The following GDAP2 variants were observed in gnomAD, a reference collection of about 807,000 sequenced individuals.
GDAP2 encodes ganglioside-induced differentiation-associated protein 2.
In GDAP2, 51 loss-of-function variants were observed where a neutral mutation model predicts 67.0. The ratio of observed to expected loss-of-function variants is 0.76; its 90% CI spans 0.61 to 0.96. The LOEUF (loss-of-function observed/expected upper bound fraction) is 0.96. GDAP2 is among the 40% of genes least tolerant of loss of function. The probability of loss-of-function intolerance (pLI) is 0.00; values close to 1 mark genes in which losing one functional copy is unlikely to be tolerated. For synonymous variants in GDAP2, 203 were observed against 207.3 expected (o/e 0.98, Z 0.18); for missense variants, 547 against 588.3 (o/e 0.93, Z 0.73).
intron 11 of GDAP2, among the ~76,000 whole-genome samples, 196 bp from the exon 12 acceptor site, chr1:117,882,073 C>A (rs2273577): frequency 6.6e-6 from 1 of 151,938 alleles, no homozygotes; most frequent in South Asian, 2.1e-4. Flanking sequence ...TAAAGTATCT[C>A]TTTTATAGGA....
chr1:117,902,345 G>C (rs1649507818), intron 6 of GDAP2, among the ~76,000 whole-genome samples: 1 of 152,088 alleles, frequency 6.6e-6, no homozygotes, highest in African/African-American at 2.4e-5. Context: ...GGCTTTTTGT[G>C]CTTTTGGTGC....
At chr1:117,923,704 C>T (rs1299706557) in intron 1 of GDAP2, among the ~76,000 whole-genome samples, 1 of 152,200 alleles carries the variant, frequency 6.6e-6, no homozygotes, top group Non-Finnish European at 1.5e-5. Context: ...TAGAACTGTG[C>T]AGGCACCCAG....
chr1:117,911,970 T>C (rs774794401), intron 5 of GDAP2, 24 bp downstream of exon 5: 2 of 1,314,434 alleles, frequency 1.5e-6, no homozygotes, highest in Non-Finnish European at 1.1e-6. Context: ...TCAATTCATG[T>C]ACAGCATCTC....
At chr1:117,897,023 T>A (rs1346385367) in intron 7 of GDAP2, 34 bp from the exon 8 acceptor site, 1 of 1,496,760 alleles carries the variant, frequency 6.7e-7, no homozygotes, top group Non-Finnish European at 9.1e-7. Context: ...ATAGAGAGCT[T>A]ATGCTAAAAC....
At chr1:117,901,583 A>G (rs1649470266) in intron 6 of GDAP2, among the ~76,000 whole-genome samples, 2 of 152,226 alleles carry the variant, frequency 1.3e-5, no homozygotes, top group African/African-American at 4.8e-5. Context: ...AGTGGTATCC[A>G]TAGTGGTTTT....
chr1:117,882,374 T>C (rs1220844397), intron 11 of GDAP2, among the ~76,000 whole-genome samples: 1 of 152,108 alleles, frequency 6.6e-6, no homozygotes. Flanking sequence ...CTCAAAACAA[T>C]TCTATGAGCT....
chr1:117,891,666 G>T (rs1242103853), intron 8 of GDAP2, among the ~76,000 whole-genome samples: 1 of 151,902 alleles, frequency 6.6e-6, no homozygotes, highest in East Asian at 1.9e-4. Flanking sequence ...GTGAATATCT[G>T]CCCCCATTCC....
Position 117,912,102 on chromosome 1 carries a change from C to G in GDAP2, c.471-20G>C, listed in dbSNP as rs1269059603. 7.0e-7 allele frequency: 1 copy of G among 1,419,584 alleles called. No individual in the cohort carries two copies. Among genetic ancestry groups the G allele is most frequent in the Non-Finnish European group, 1.0e-6 (1 of 1,002,784 alleles). 87.9% of individuals were successfully genotyped at this position (1,419,584 alleles called of 1,614,324 possible). ...TGCTCTCTGCAACAAAGGGAAAACA[C>G]AAAAATTGCACTAGAAATATCAGTA... On this transcript the variant is annotated intron_variant, in intron 4 of 13. Transcript: ENST00000369443.
At chr1:117,900,798 C>T (rs374372136) in intron 6 of GDAP2, among the ~76,000 whole-genome samples, 8 of 150,354 alleles carry the variant, frequency 5.3e-5, no homozygotes, top group East Asian at 3.9e-4. Flanking sequence ...CGGTGGCTCA[C>T]GCCTATAATC....
rs764331220 is a variant in GDAP2 at position 117,920,342 on chromosome 1, C to T, written c.16G>A (p.Ala6Thr). The T allele has an allele frequency of 1.2e-6, 2 of 1,600,860 alleles. No homozygotes were observed. Among genetic ancestry groups the T allele is most frequent in the Non-Finnish European group, 1.7e-6 (2 of 1,174,244 alleles). ...TCCACATCCACAAACTGGGAAGGTG[C>T]ACCTAAGGGATCCATGGAATGGGAA... MDPLG[A>T]PSQFVDVDTL... is the part of the protein sequence containing the mutation. The change falls in exon 2 of 14, where the codon GCA (alanine) becomes ACA (threonine). Residue 6 changes from alanine (A) to threonine (T), a missense_variant. Ala to Thr is a moderately conservative substitution (Grantham distance 58). Transcript: ENST00000369443.
At chr1:117,912,326 A>T (rs1467371016) in intron 4 of GDAP2, among the ~76,000 whole-genome samples, 2 of 152,184 alleles carry the variant, frequency 1.3e-5, no homozygotes, top group African/African-American at 2.4e-5. Context: ...TTAAATTCTC[A>T]AGTCACTCAA....
chr1:117,883,949 T>C (rs1476507866), intron 10 of GDAP2, among the ~76,000 whole-genome samples: 1 of 152,202 alleles, frequency 6.6e-6, no homozygotes, highest in African/African-American at 2.4e-5. Flanking sequence ...TTGGATCAAC[T>C]ACCAGGTTTT....
chr1:117,898,959 T>A, intron 7 of GDAP2, 98 bp downstream of exon 7: 1 of 850,098 alleles, frequency 1.2e-6, no homozygotes, highest in East Asian at 2.4e-5. Context: ...AATAGAGAGC[T>A]TTCCAAAGGT....
In GDAP2 at chr1:117,899,228, A is replaced by T; in HGVS notation, c.637-12T>A. Reference sequence around the variant, plus strand: ...TTTTGGTAAGTACCCTGTGTCAGAAAAGCAAGACATTCTGTGAAAAATAGA... The same window carrying T: ...TTTTGGTAAGTACCCTGTGTCAGAATAGCAAGACATTCTGTGAAAAATAGA... On this transcript the variant is annotated splice_polypyrimidine_tract_variant and intron_variant, in intron 6 of 13. Transcript: ENST00000369443. 1 of 1,594,846 alleles carries T rather than the reference A, an allele frequency of 6.3e-7. No homozygotes were observed.
chr1:117,903,860 G>C (rs951847425), intron 6 of GDAP2, among the ~76,000 whole-genome samples: 1 of 152,168 alleles, frequency 6.6e-6, no homozygotes, highest in Non-Finnish European at 1.5e-5. Flanking sequence ...AATGTAAGGA[G>C]ACAGCAGCCC....
At chr1:117,920,851 TGGGAGG>T (rs1420722083) in intron 1 of GDAP2, among the ~76,000 whole-genome samples, 9 of 152,064 alleles carry the variant, frequency 5.9e-5, no homozygotes, top group Non-Finnish European at 2.9e-5. Flanking sequence ...AATGAAAAGC[TGGGAGG>T]TTACTGCAAT....
intron 1 of GDAP2, among the ~76,000 whole-genome samples, chr1:117,921,569 G>A (rs1650255879): frequency 6.6e-6 from 1 of 152,192 alleles, no homozygotes; most frequent in South Asian, 2.1e-4. Flanking sequence ...GAGGAGCAAG[G>A]AGGCCAGTTT....
chr1:117,926,452 A>AT lies in GDAP2; in HGVS notation c.-68+2995dup, dbSNP rs552718514. Among the ~76,000 whole-genome samples, 272 of 152,362 alleles carry AT rather than the reference A, an allele frequency of 1.8e-3. 1 individual carries two copies. Among genetic ancestry groups the AT allele is most frequent in the Admixed American group, 5.7e-3 (87 of 15,308 alleles). On this transcript the variant is annotated intron_variant, in intron 1 of 13. Transcript: ENST00000369443. ...ATTGGATGTTAAATAAGTAAAAGTA[A>AT]TGCTCATAGCTCTTATTGTAGGACA...
At chr1:117,898,589 C>G (rs192291169) in intron 7 of GDAP2, among the ~76,000 whole-genome samples, 27 of 152,248 alleles carry the variant, frequency 1.8e-4, no homozygotes, top group African/African-American at 6.5e-4. Context: ...TCACACAGAG[C>G]AGATTCAGAA....
Sources: gnomAD v4.1 joint callset for allele counts (sites outside exome capture counted in the v4.1 genomes callset) on GRCh38, gnomAD v4.1.1 for gene constraint, MANE v1.5 for transcripts, NCBI Gene and HGNC (gene_info 2026-07-23, HGNC 2026-07-21) for gene names.